The following KIRREL3 variants were observed in gnomAD, a reference collection of about 807,000 sequenced individuals.
KIRREL3 encodes kirre like nephrin family adhesion molecule 3, also known as kin of IRRE-like protein 3.
Under a neutral mutation model 89.7 loss-of-function variants are expected in KIRREL3, and 36 were observed. The observed-to-expected ratio is 0.40, with a 90% CI of 0.31 to 0.53. The LOEUF is 0.53. Ranked by LOEUF, KIRREL3 falls within the 20% of genes least tolerant of loss-of-function variation. The probability of loss-of-function intolerance (pLI) is 0.49; values close to 1 mark genes in which losing one functional copy is unlikely to be tolerated. For missense variants in KIRREL3, 864 were observed against 1,056.6 expected (o/e 0.82, Z 2.53); for synonymous variants, 445 against 441.4 (o/e 1.01, Z -0.10).
rs982110189 is a variant in KIRREL3 at position 126,917,745 on chromosome 11, C to G, written c.55+82710G>C. Among the ~76,000 whole-genome samples the G allele has an allele frequency of 2.6e-5, 4 of 152,304 alleles. No individual in the cohort carries two copies. The highest frequency in any genetic ancestry group is 9.6e-5 in the African/African-American group (4 of 41,572). On this transcript the variant is annotated intron_variant, in intron 1 of 16. Coordinates refer to ENST00000525144, the MANE Select transcript of KIRREL3 (RefSeq NM_032531.4). This position sits in a 1 kb window ranked among gnomAD's most constrained non-coding sequence, Gnocchi z 5.0. The stretch of plus-strand genomic sequence containing the variant: ...GAAACCAATAGTGAGGTGGTTGCCA[C>G]TATTTCCATTGGCAACCAATACTTT...
At chr11:126,660,414 G>C (rs1305267941) in intron 1 of KIRREL3, among the ~76,000 whole-genome samples, 1 of 152,170 alleles carries the variant, frequency 6.6e-6, no homozygotes, top group Non-Finnish European at 1.5e-5. Flanking sequence ...GACGTGCATT[G>C]CATCATTGCA....
intron 6 of KIRREL3, 85 bp from the exon 7 acceptor site, chr11:126,456,539 A>G: frequency 1.1e-6 from 1 of 895,212 alleles, no homozygotes. Context: ...ACAGCCAGAG[A>G]CTCCACCACC....
intron 1 of KIRREL3, among the ~76,000 whole-genome samples, chr11:126,580,952 C>A (rs965407366): frequency 5.3e-5 from 8 of 151,436 alleles, no homozygotes; most frequent in African/African-American, 1.9e-4. Flanking sequence ...CTCTTTTGTG[C>A]AGATCCACTG....
At chr11:126,980,767 A>G (rs923360266) in intron 1 of KIRREL3, among the ~76,000 whole-genome samples, 1 of 152,178 alleles carries the variant, frequency 6.6e-6, no homozygotes, top group South Asian at 2.1e-4. Context: ...TAGGACCCCA[A>G]TTGGGGAGAA....
At position 126,740,171 on chromosome 11, in the gene KIRREL3, A is replaced by AT. The variant is rs1948933506; in HGVS notation, c.56-177260dup. On this transcript the variant is annotated intron_variant, in intron 1 of 16. Coordinates refer to ENST00000525144, the MANE Select transcript of KIRREL3 (RefSeq NM_032531.4). This position sits in a 1 kb window ranked among gnomAD's most constrained non-coding sequence, Gnocchi z 6.0. ...GTCATTGCTCTATTTTCAAGATATT[A>AT]TTTTTTAGAGGTGGCATCTAATTAT... Among the ~76,000 whole-genome samples, 1 of 152,000 alleles carries AT rather than the reference A, an allele frequency of 6.6e-6. No homozygotes were observed. The highest frequency in any genetic ancestry group is 1.5e-5 in the Non-Finnish European group (1 of 67,992).
In KIRREL3 at chr11:126,522,779, C is replaced by T. The variant is rs373219804; in HGVS notation, c.284-1315G>A. Among the ~76,000 whole-genome samples, 124 of 152,284 alleles carry T rather than the reference C, an allele frequency of 8.1e-4. 1 individual carries two copies. The highest frequency in any genetic ancestry group is 2.9e-3 in the African/African-American group (120 of 41,564). Reference sequence around the variant, plus strand: ...GGATTTACAACTGGACTCCAATCCCCGCTGTCTTTCATCTCTGTCCCGGTT... The same window carrying T: ...GGATTTACAACTGGACTCCAATCCCTGCTGTCTTTCATCTCTGTCCCGGTT... On this transcript the variant is annotated intron_variant, in intron 3 of 16. Coordinates refer to ENST00000525144, the MANE Select transcript of KIRREL3 (RefSeq NM_032531.4). This position sits in a 1 kb window ranked among gnomAD's most constrained non-coding sequence, Gnocchi z 6.0.
At chr11:126,446,656 TC>T in intron 9 of KIRREL3, 102 bp downstream of exon 9, 1 of 1,256,414 alleles carries the variant, frequency 8.0e-7, no homozygotes, top group Non-Finnish European at 1.1e-6. Flanking sequence ...GGAGGCTGAC[TC>T]CCCCAGTCTA....
In KIRREL3 at chr11:126,965,651, T is replaced by G. The variant is rs1949243594; in HGVS notation, c.55+34804A>C. On this transcript the variant is annotated intron_variant, in intron 1 of 16. Coordinates refer to ENST00000525144, the MANE Select transcript of KIRREL3 (RefSeq NM_032531.4). This position sits in a 1 kb window ranked among gnomAD's most constrained non-coding sequence, Gnocchi z 4.4. ...TTTTGGTTCTTTGCTGATGGAGAGG[T>G]CAGAGCCATGGATAATCGAAACCTC... Among the ~76,000 whole-genome samples the G allele has an allele frequency of 6.6e-6, 1 of 152,112 alleles. No individual in the cohort carries two copies. The highest frequency in any genetic ancestry group is 1.5e-5 in the Non-Finnish European group (1 of 68,032).
intron 1 of KIRREL3, among the ~76,000 whole-genome samples, chr11:126,846,169 T>G (rs1944135082): frequency 6.6e-6 from 1 of 152,190 alleles, no homozygotes; most frequent in Non-Finnish European, 1.5e-5. Flanking sequence ...CTGATTCCCT[T>G]TTTGGGATTC....
intron 1 of KIRREL3, among the ~76,000 whole-genome samples, chr11:126,667,113 T>C (rs999379666): frequency 1.3e-5 from 2 of 152,234 alleles, no homozygotes; most frequent in African/African-American, 4.8e-5. Flanking sequence ...GACTACTCCA[T>C]GATGGAGGAC....
At chr11:126,751,160 G>A (rs1565701686) in intron 1 of KIRREL3, among the ~76,000 whole-genome samples, 1 of 152,182 alleles carries the variant, frequency 6.6e-6, no homozygotes, top group Non-Finnish European at 1.5e-5. Context: ...TAGCGCCACA[G>A]GACTCAGGCT....
chr11:126,780,089 C>G lies in KIRREL3; in HGVS notation c.56-217177G>C, dbSNP rs1950282398. ...AGAGGGAAAAGCAGGAGGCACAGTA[C>G]AGGAAGACACAGAAAGGGAGTAGGA... On this transcript the variant is annotated intron_variant, in intron 1 of 16. Transcript: ENST00000525144. This position sits in a 1 kb window ranked among gnomAD's most constrained non-coding sequence, Gnocchi z 5.3. Among the ~76,000 whole-genome samples the G allele has an allele frequency of 6.6e-6, 1 of 151,930 alleles. No homozygotes were observed. The highest frequency in any genetic ancestry group is 2.4e-5 in the African/African-American group (1 of 41,340).
intron 2 of KIRREL3, chr11:126,549,802 C>T (rs560745759): frequency 6.6e-6 from 1 of 152,224 alleles, no homozygotes; most frequent in African/African-American, 2.4e-5. Context: ...AAACTGCAGC[C>T]TCCTGGGGTG....
chr11:127,000,380 G>T lies in KIRREL3; in HGVS notation c.55+75C>A. 8 of 1,305,400 alleles carry T rather than the reference G, an allele frequency of 6.1e-6. No homozygotes were observed. The highest frequency in any genetic ancestry group is 1.5e-5 in the African/African-American group (1 of 67,066). The allele number at this position is 1,305,400 out of a possible 1,614,324, so 80.9% of individuals were successfully genotyped here. A position where few individuals can be genotyped will look rare whatever the true frequency, so the allele number is the denominator to read the frequency against. ...GTCCGAGTTCCCGAAGCCTGCCCAC[G>T]TTCCTGCCCACAGCCTCCCGCGCCC... On this transcript the variant is annotated intron_variant, in intron 1 of 16. Coordinates refer to ENST00000525144, the MANE Select transcript of KIRREL3 (RefSeq NM_032531.4). The surrounding 1 kb of genome is among the most constrained non-coding windows in gnomAD (Gnocchi z 7.1).
rs1445451130 is a variant in KIRREL3 at position 126,574,303 on chromosome 11, C to T, written c.56-11391G>A. 6.6e-6 allele frequency among the ~76,000 whole-genome samples: 1 copy of T among 152,194 alleles called. No individual in the cohort carries two copies. Among genetic ancestry groups the T allele is most frequent in the African/African-American group, 2.4e-5 (1 of 41,442 alleles). On this transcript the variant is annotated intron_variant, in intron 1 of 16. Transcript: ENST00000525144. The surrounding 1 kb of genome is among the most constrained non-coding windows in gnomAD (Gnocchi z 5.3). ...CAACGCTTGGGGTAAAACCAAACTC[C>T]CCCACCTCCTTCAGAGCCCCATATC...
chr11:126,888,574 T>C (rs1945787785), intron 1 of KIRREL3, among the ~76,000 whole-genome samples: 1 of 152,234 alleles, frequency 6.6e-6, no homozygotes, highest in South Asian at 2.1e-4. Flanking sequence ...GTCCCACTTA[T>C]CTTAGAATGT....
At chr11:126,753,661 A>G (rs1949407231) in intron 1 of KIRREL3, among the ~76,000 whole-genome samples, 1 of 152,132 alleles carries the variant, frequency 6.6e-6, no homozygotes, top group Admixed American at 6.5e-5. Flanking sequence ...AGGGTGACAA[A>G]TGGAGTATCA....
chr11:126,504,652 C>T (rs1957966516), intron 4 of KIRREL3, among the ~76,000 whole-genome samples: 1 of 152,218 alleles, frequency 6.6e-6, no homozygotes, highest in South Asian at 2.1e-4. Flanking sequence ...CTTCCCTACT[C>T]ATCCTACAAA....
intron 1 of KIRREL3, among the ~76,000 whole-genome samples, chr11:126,781,677 C>T (rs1950330730): frequency 6.6e-6 from 1 of 152,122 alleles, no homozygotes; most frequent in South Asian, 2.1e-4. Flanking sequence ...GGAAGGTGCC[C>T]TTGAATGGTG....
Sources: gnomAD v4.1 joint callset for allele counts (sites outside exome capture counted in the v4.1 genomes callset) on GRCh38, gnomAD v4.1.1 for gene constraint, Gnocchi (gnomAD v3.1) non-coding constraint, MANE v1.5 for transcripts, NCBI Gene and HGNC (gene_info 2026-07-23, HGNC 2026-07-21) for gene names.